Variants in MICU3 observed in about 807,000 individuals in gnomAD.
The protein encoded by MICU3 is mitochondrial calcium uptake 3.
Under a neutral mutation model 66.5 loss-of-function variants are expected in MICU3, and 62 were observed. The ratio of observed to expected loss-of-function variants is 0.93; its 90% CI spans 0.76 to 1.15. MICU3 has a LOEUF of 1.15. Ranked by LOEUF, MICU3 falls within the 50% of genes most tolerant of loss-of-function variation. MICU3 has a pLI of 0.00. For missense variants in MICU3, 779 were observed against 664.4 expected, an observed-to-expected ratio of 1.17 and a Z score of -1.90; for synonymous variants, 308 against 240.7, an observed-to-expected ratio of 1.28 and a Z score of -2.59.
Position 17,064,185 on chromosome 8 carries a change from A to G in MICU3, c.483A>G (p.Leu161=), listed in dbSNP as rs139358509. The change falls in exon 2 of 15, where the codon TTA becomes TTG. Residue 161 remains leucine, a synonymous_variant. Coordinates refer to ENST00000318063, the MANE Select transcript of MICU3 (RefSeq NM_181723.3). Reference sequence around the variant, plus strand: ...CTTCTATAGAATGTGAAGGGCAGTTATTCATGACTCCGTATGATTTTATTT... The same window carrying G: ...CTTCTATAGAATGTGAAGGGCAGTTGTTCATGACTCCGTATGATTTTATTT... ...LFASIECEGQ[L]FMTPYDFILA... is the part of the protein sequence containing the mutation. 1.5e-4 allele frequency: 238 copies of G among 1,613,008 alleles called. 2 individuals are homozygous for G. The African/African-American group carries it at 2.9e-3, about 20-fold the overall frequency.
intron 5 of MICU3, among the ~76,000 whole-genome samples, chr8:17,082,520 G>A (rs1315660837): frequency 2.0e-5 from 3 of 152,136 alleles, no homozygotes; most frequent in South Asian, 2.1e-4. Flanking sequence ...ACATGTTCTT[G>A]TCTCCCCACA....
rs75300433 is a variant in MICU3, at chr8:17,033,035, C to G, written c.381+5375C>G. 0.02 allele frequency among the ~76,000 whole-genome samples: 3,067 copies of G among 152,264 alleles called. 163 individuals carry two copies. The East Asian group carries it at 0.22, about 11-fold the overall frequency. On this transcript the variant is annotated intron_variant, in intron 1 of 14. Transcript: ENST00000318063. ...CCATGAACCAGCTTTTCCCTAGTCT[C>G]TTTCCCTCTTCTCGGGCCTCCCTGT...
Position 17,091,876 on chromosome 8 carries a change from T to G in MICU3, c.888+1292T>G, listed in dbSNP as rs115175546. Among the ~76,000 whole-genome samples the G allele has an allele frequency of 8.9e-3, 1,361 of 152,114 alleles. 14 individuals are homozygous for G. The highest frequency in any genetic ancestry group is 0.03 in the African/African-American group (1,241 of 41,524). ...TACTTAGGACTTTATGGGGGTTTTT[T>G]TTGTTTGTTTGGTGTTTTTTAAGAT... On this transcript the variant is annotated intron_variant, in intron 8 of 14. Transcript: ENST00000318063.
intron 6 of MICU3, 131 bp downstream of exon 6, chr8:17,085,449 A>G (rs986654528): frequency 3.0e-5 from 16 of 531,188 alleles, no homozygotes; most frequent in African/African-American, 2.8e-4. Context: ...TTTACTTAAT[A>G]AAGTATAATA....
At chr8:17,065,801 T>C (rs894478364) in intron 2 of MICU3, among the ~76,000 whole-genome samples, 1 of 151,654 alleles carries the variant, frequency 6.6e-6, no homozygotes, top group African/African-American at 2.4e-5. Context: ...AGACGATGAG[T>C]GTAAAGGACT....
At chr8:17,056,943 G>T (rs1817036600) in intron 1 of MICU3, among the ~76,000 whole-genome samples, 1 of 152,220 alleles carries the variant, frequency 6.6e-6, no homozygotes, top group Non-Finnish European at 1.5e-5. Flanking sequence ...AATATTCCCG[G>T]AGCTGGCCAT....
intron 1 of MICU3, among the ~76,000 whole-genome samples, chr8:17,027,944 A>G (rs1399467452): frequency 6.6e-6 from 1 of 152,166 alleles, no homozygotes; most frequent in Non-Finnish European, 1.5e-5. Flanking sequence ...TTACAAAAAA[A>G]GATTCAGAAA....
At chr8:17,076,972 A>C (rs551601400) in intron 3 of MICU3, among the ~76,000 whole-genome samples, 1 of 152,290 alleles carries the variant, frequency 6.6e-6, no homozygotes, top group Non-Finnish European at 1.5e-5. Context: ...ACCGTCTTTT[A>C]ATCATTTTTC....
At chr8:17,129,115 A>G in the MICU3 span, among the ~76,000 whole-genome samples, 1 of 152,204 alleles carries the variant, frequency 6.6e-6, no homozygotes, top group Non-Finnish European at 1.5e-5. Flanking sequence ...CTCTTGACCT[A>G]TCCTAAAATT....
intron 10 of MICU3, 123 bp from the exon 11 acceptor site, chr8:17,105,290 A>G: frequency 5.1e-6 from 3 of 587,900 alleles, no homozygotes; most frequent in Non-Finnish European, 8.8e-6. Context: ...AACTTTATTA[A>G]TCTTTGCATC....
At chr8:17,095,371 A>G (rs561246027) in intron 8 of MICU3, among the ~76,000 whole-genome samples, 7 of 151,970 alleles carry the variant, frequency 4.6e-5, no homozygotes, top group African/African-American at 1.7e-4. Flanking sequence ...CCTATGATAT[A>G]CCTAGGGTGC....
intron 1 of MICU3, among the ~76,000 whole-genome samples, chr8:17,036,405 T>G (rs1358423013): frequency 1.3e-5 from 2 of 152,140 alleles, no homozygotes; most frequent in African/African-American, 4.8e-5. Context: ...CCGAGCGGGT[T>G]GCCAATGCTG....
chr8:17,046,324 G>A (rs1305926843), intron 1 of MICU3, among the ~76,000 whole-genome samples: 1 of 152,084 alleles, frequency 6.6e-6, no homozygotes, highest in Admixed American at 6.6e-5. Flanking sequence ...TTGATGATGG[G>A]GAGAACCTCC....
intron 14 of MICU3, among the ~76,000 whole-genome samples, chr8:17,119,829 T>C (rs1803056077): frequency 6.6e-6 from 1 of 152,150 alleles, no homozygotes; most frequent in Admixed American, 6.5e-5. Flanking sequence ...CTAAAATGTT[T>C]AGAGGCAAGC....
At position 17,104,382 on chromosome 8, in the gene MICU3, T is replaced by G. The variant is rs755487319; in HGVS notation, c.985-9T>G. 1 of 1,345,602 alleles carries G rather than the reference T, an allele frequency of 7.4e-7. No individual in the cohort carries two copies. Among genetic ancestry groups the G allele is most frequent in the East Asian group, 2.6e-5 (1 of 38,396 alleles). 83.4% of individuals were successfully genotyped at this position (1,345,602 alleles called of 1,614,324 possible). A position where few individuals can be genotyped will look rare whatever the true frequency, so the allele number is the denominator to read the frequency against. ...GAAGCTAACTTTTAAATTGTGATTT[T>G]TTTTTAAGCGTGCTGATGACATCAC... On this transcript the variant is annotated splice_polypyrimidine_tract_variant and intron_variant, in intron 9 of 14. Transcript: ENST00000318063.
chr8:17,106,926 C>A (rs914440378), intron 11 of MICU3, among the ~76,000 whole-genome samples: 3 of 152,062 alleles, frequency 2.0e-5, no homozygotes, highest in African/African-American at 7.2e-5. Flanking sequence ...CTCCTTCCGC[C>A]TACTTAACTC....
chr8:17,039,138 A>C (rs1020290466), intron 1 of MICU3, among the ~76,000 whole-genome samples: 58 of 152,208 alleles, frequency 3.8e-4, no homozygotes, highest in African/African-American at 1.3e-3. Flanking sequence ...TTTAGCAATA[A>C]AGTATTTTTA....
At chr8:17,048,152 A>T (rs1815410000) in intron 1 of MICU3, among the ~76,000 whole-genome samples, 1 of 152,198 alleles carries the variant, frequency 6.6e-6, no homozygotes, top group South Asian at 2.1e-4. Flanking sequence ...GTTCGAAACA[A>T]GATAAAAAGC....
chr8:17,126,035 A>G (rs1262077619), downstream of MICU3, among the ~76,000 whole-genome samples: 1 of 51,706 alleles, frequency 1.9e-5, no homozygotes, highest in Admixed American at 2.0e-4. Flanking sequence ...TCTCAAAAGG[A>G]AAAAAAAAAA....
Sources: gnomAD v4.1 joint callset for allele counts (sites outside exome capture counted in the v4.1 genomes callset) on GRCh38, gnomAD v4.1.1 for gene constraint, MANE v1.5 for transcripts, NCBI Gene and HGNC (gene_info 2026-07-23, HGNC 2026-07-21) for gene names.